Variants in KDM2B observed in about 807,000 individuals in gnomAD.
KDM2B encodes the protein lysine-specific demethylase 2B.
KDM2B carries 26 observed loss-of-function variants against 150.0 expected under a neutral mutation model. That is an observed-to-expected ratio of 0.17 (90% CI 0.13 to 0.24). The LOEUF is 0.24. Among genes scored for constraint, KDM2B ranks in the 10% least tolerant of loss-of-function variants. KDM2B has a pLI of 1.00. For missense variants in KDM2B, 1,265 were observed against 1,816.9 expected (o/e 0.70, Z 5.52); for synonymous variants, 734 against 729.5 (o/e 1.01, Z -0.10).
In KDM2B at chr12:121,518,184, T is replaced by C. The variant is rs547799782; in HGVS notation, c.1047+2801A>G. Among the ~76,000 whole-genome samples the C allele has an allele frequency of 6.6e-6, 1 of 152,334 alleles. No homozygotes were observed. Among genetic ancestry groups the C allele is most frequent in the African/African-American group, 2.4e-5 (1 of 41,584 alleles). On this transcript the variant is annotated intron_variant, in intron 9 of 22. Transcript: ENST00000377071. The surrounding 1 kb of genome is among the most constrained non-coding windows in gnomAD (Gnocchi z 4.4). Reference sequence around the variant, plus strand: ...CTGGGATTACAGGCGTGAGTCACCATGCCCAGCCTATAAAACAGTATTTTT... The same window carrying C: ...CTGGGATTACAGGCGTGAGTCACCACGCCCAGCCTATAAAACAGTATTTTT...
At chr12:121,514,284 T>A (rs1436776863) in intron 9 of KDM2B, among the ~76,000 whole-genome samples, 1 of 151,878 alleles carries the variant, frequency 6.6e-6, no homozygotes, top group Admixed American at 6.6e-5. Context: ...CCTGGCTGGG[T>A]TTTTTTGTAT....
rs28544217 is a variant in KDM2B, at chr12:121,559,667, G to T, written c.398-10029C>A. On this transcript the variant is annotated intron_variant, in intron 4 of 22. Transcript: ENST00000377071. ...TGTAATCCCAGCACTTTGGGAGGCC[G>T]AGGCAGGAGGATCACCTGAGGTCGG... Among the ~76,000 whole-genome samples, 80 of 152,154 alleles carry T rather than the reference G, an allele frequency of 5.3e-4. 2 individuals carry two copies. The East Asian group carries it at 0.014, about 27-fold the overall frequency.
the KDM2B span, chr12:121,417,521 CAAG>C: frequency 1.2e-6 from 2 of 1,612,638 alleles, no homozygotes; most frequent in Non-Finnish European, 1.7e-6. The surrounding 1 kb of genome is among the most constrained non-coding windows in gnomAD (Gnocchi z 5.0). Flanking sequence ...GCTGTGACTG[CAAG>C]AAGGATTTTT....
intron 11 of KDM2B, among the ~76,000 whole-genome samples, chr12:121,507,947 G>T (rs924577942): frequency 6.6e-6 from 1 of 152,194 alleles, no homozygotes; most frequent in African/African-American, 2.4e-5. Flanking sequence ...GGAGGTCGAG[G>T]CTGCAGGGAG....
intron 11 of KDM2B, among the ~76,000 whole-genome samples, chr12:121,499,559 G>A (rs1032996239): frequency 6.6e-6 from 1 of 152,074 alleles, no homozygotes; most frequent in African/African-American, 2.4e-5. Context: ...GATTGAGGTG[G>A]GAGGATTGCT....
intron 11 of KDM2B, among the ~76,000 whole-genome samples, chr12:121,499,722 C>T (rs974056936): frequency 6.6e-6 from 1 of 151,622 alleles, no homozygotes; most frequent in Non-Finnish European, 1.5e-5. Context: ...CCAAGGTGGA[C>T]AAATCACCTG....
intron 13 of KDM2B, among the ~76,000 whole-genome samples, chr12:121,451,893 C>T (rs1566280526): frequency 6.6e-6 from 1 of 151,114 alleles, no homozygotes; most frequent in Non-Finnish European, 1.5e-5. Context: ...GCCTGGGCAA[C>T]AGAGCAAGAC....
At chr12:121,476,628 A>G (rs1881417834) in intron 12 of KDM2B, among the ~76,000 whole-genome samples, 1 of 152,190 alleles carries the variant, frequency 6.6e-6, no homozygotes, top group African/African-American at 2.4e-5. Context: ...AGATAGTTCA[A>G]TCACCTCTTA....
chr12:121,523,778 G>A (rs1886893957), intron 8 of KDM2B, among the ~76,000 whole-genome samples: 2 of 152,252 alleles, frequency 1.3e-5, no homozygotes, highest in African/African-American at 4.8e-5. Flanking sequence ...TTTGCTTTAG[G>A]CAACCTCGTT....
rs1422191717 is a variant in KDM2B at position 121,467,946 on chromosome 12, CGCGG to C, written c.1735-14606_1735-14603del. On this transcript the variant is annotated intron_variant, in intron 12 of 22. Coordinates refer to ENST00000377071, the MANE Select transcript of KDM2B (RefSeq NM_032590.5). This position sits in a 1 kb window ranked among gnomAD's most constrained non-coding sequence, Gnocchi z 5.1. ...GCTCTGAGAGCCCAGTCTCCCCCGA[CGCGG>C]GCGGTTGGGCTGGGCCGGCCTCCTG... 2 of 152,690 alleles carry C rather than the reference CGCGG, an allele frequency of 1.3e-5. No individual in the cohort carries two copies. The highest frequency in any genetic ancestry group is 2.9e-5 in the Non-Finnish European group (2 of 68,476). The allele number at this position is 152,690 out of a possible 1,614,324, so 9.5% of individuals were successfully genotyped here.
Position 121,442,877 on chromosome 12 carries a change from G to A in KDM2B, c.2605-41C>T, listed in dbSNP as rs782196486. ...GAGACGCGTCAGCCTCTGGGGCTCA[G>A]GGCTGCGCCCGCCCAAGGCCTCCCG... On this transcript the variant is annotated intron_variant, in intron 18 of 22. Transcript: ENST00000377071. This position sits in a 1 kb window ranked among gnomAD's most constrained non-coding sequence, Gnocchi z 7.7. 9.8e-6 allele frequency: 15 copies of A among 1,536,622 alleles called. No individual in the cohort carries two copies. In the South Asian group the frequency reaches 1.5e-4, roughly 15 times the overall value.
chr12:121,555,091 T>C (rs1270941535), intron 4 of KDM2B, among the ~76,000 whole-genome samples: 3 of 152,126 alleles, frequency 2.0e-5, no homozygotes. Context: ...GAGGATCACT[T>C]GAGCCTGGAA....
In KDM2B at chr12:121,444,219, G is replaced by A. The variant is rs782200470; in HGVS notation, c.2244C>T (p.Leu748=). 12 of 1,613,672 alleles carry A rather than the reference G, an allele frequency of 7.4e-6. No individual in the cohort carries two copies. The highest frequency in any genetic ancestry group is 9.3e-6 in the Non-Finnish European group (11 of 1,180,050). ...TGTCCCGGTTCATCTTCTGCTCCTT[G>A]AGCAGGGAGCCGGGCAGGTTGGAGG... ...KYASNLPGSL[L]KEQKMNRDNK... Residue 748 remains leucine (L), a synonymous_variant, in exon 16 of 23, where the codon CTC becomes CTT. Coordinates refer to ENST00000377071, the MANE Select transcript of KDM2B (RefSeq NM_032590.5).
chr12:121,427,675 TCTG>T (rs1368625528), downstream of KDM2B, among the ~76,000 whole-genome samples: 7 of 152,342 alleles, frequency 4.6e-5, no homozygotes, highest in African/African-American at 1.7e-4. Flanking sequence ...AAACTACAGA[TCTG>T]CTGTGTCTCT....
intron 12 of KDM2B, among the ~76,000 whole-genome samples, chr12:121,492,511 T>C (rs1883468865): frequency 6.6e-6 from 1 of 151,476 alleles, no homozygotes; most frequent in African/African-American, 2.4e-5. Flanking sequence ...TTTCGCCATG[T>C]TGGCCAGGCT....
At chr12:121,481,226 G>A (rs1403888149) in intron 12 of KDM2B, among the ~76,000 whole-genome samples, 3 of 152,056 alleles carry the variant, frequency 2.0e-5, no homozygotes, top group Admixed American at 6.6e-5. Context: ...GGGCCCAGCC[G>A]ATGAGAGTAT....
At chr12:121,446,717 G>T (rs1470296155) in intron 13 of KDM2B, among the ~76,000 whole-genome samples, 2 of 152,192 alleles carry the variant, frequency 1.3e-5, no homozygotes, top group African/African-American at 4.8e-5. Flanking sequence ...GACAGCATTT[G>T]TTGCAAATGA....
chr12:121,575,648 C>A lies in KDM2B; in HGVS notation c.350+133G>T. On this transcript the variant is annotated intron_variant, in intron 3 of 22. Coordinates refer to ENST00000377071, the MANE Select transcript of KDM2B (RefSeq NM_032590.5). The surrounding 1 kb of genome is among the most constrained non-coding windows in gnomAD (Gnocchi z 4.4). ...TTGTCAGGCCTTGAACAAGGAGATG[C>A]TGTTCCCAGATCGTGAAAAAAGATC... 1.4e-6 allele frequency: 1 copy of A among 707,140 alleles called. No individual in the cohort carries two copies. Among genetic ancestry groups the A allele is most frequent in the South Asian group, 1.7e-5 (1 of 60,072 alleles). The allele number at this position is 707,140 out of a possible 1,614,324, so 43.8% of individuals were successfully genotyped here. A position where few individuals can be genotyped will look rare whatever the true frequency, so the allele number is the denominator to read the frequency against.
intron 4 of KDM2B, among the ~76,000 whole-genome samples, chr12:121,573,615 C>G (rs1287931351): frequency 1.4e-5 from 2 of 145,180 alleles, no homozygotes; most frequent in Non-Finnish European, 3.0e-5. Flanking sequence ...GACGGAGTCT[C>G]GCTCTGTCGC....
Sources: gnomAD v4.1 joint callset for allele counts (sites outside exome capture counted in the v4.1 genomes callset) on GRCh38, gnomAD v4.1.1 for gene constraint, Gnocchi (gnomAD v3.1) non-coding constraint, MANE v1.5 for transcripts, NCBI Gene and HGNC (gene_info 2026-07-23, HGNC 2026-07-21) for gene names.